The following FAN1 variants were observed in gnomAD, a reference collection of about 807,000 sequenced individuals.
The protein encoded by FAN1 is FANCD2 and FANCI associated nuclease 1, also known as fanconi-associated nuclease 1.
In FAN1, 91 loss-of-function variants were observed where a neutral mutation model predicts 104.9. That is an observed-to-expected ratio of 0.87 (90% confidence interval 0.73 to 1.03). The LOEUF is 1.03. Among genes scored for constraint, FAN1 ranks in the 50% least tolerant of loss-of-function variants. FAN1 has a pLI of 0.00. For missense variants in FAN1, 1,263 were observed against 1,239.9 expected (o/e 1.02, Z -0.28); for synonymous variants, 478 against 457.6 (o/e 1.04, Z -0.57).
intron 6 of FAN1, 22 bp from the exon 7 acceptor site, chr15:30,920,523 C>T: frequency 7.0e-7 from 1 of 1,429,022 alleles, no homozygotes; most frequent in Non-Finnish European, 9.8e-7. Context: ...TATTAAACTA[C>T]TGGTATATGT....
rs181338817 is a variant in FAN1 at position 30,925,209 on chromosome 15, G to A, written c.2255G>A (p.Arg752His). 9.7e-5 allele frequency: 156 copies of A among 1,614,036 alleles called. 1 individual carries two copies. Among genetic ancestry groups the A allele is most frequent in the East Asian group, 2.2e-5 (1 of 44,874 alleles). Residue 752 changes from arginine (R) to histidine (H), a missense_variant, in exon 9 of 15, where the codon CGC becomes CAC. Transcript: ENST00000362065. ...CTTTCACTGTATCAGCGAGCCGTGC[G>A]CCTGCGAGAGTCTCCGAGCTGTAAA... ...HRLSLYQRAV[R>H]LRESPSCKKF...
intron 14 of FAN1, chr15:30,939,516 TAAC>T (rs767062868): frequency 3.6e-5 from 35 of 981,312 alleles, no homozygotes; most frequent in African/African-American, 1.9e-4. Flanking sequence ...AATCATGATA[TAAC>T]AACTGTCCAG....
chr15:30,940,464 T>G, intron 14 of FAN1: 2 of 985,452 alleles, frequency 2.0e-6, no homozygotes, highest in Non-Finnish European at 2.4e-6. Flanking sequence ...AGGACATCTG[T>G]GCAGGTGCCC....
rs776377863 is a variant in FAN1, at chr15:30,908,194, A to T, written c.1311A>T (p.Glu437Asp). The T allele has an allele frequency of 6.2e-7, 1 of 1,611,770 alleles. No individual in the cohort carries two copies. The highest frequency in any genetic ancestry group is 1.6e-4 in the Middle Eastern group (1 of 6,062). The change falls in exon 3 of 15, where the codon GAA (glutamate) becomes GAT (aspartate). Residue 437 changes from glutamate (E) to aspartate (D), a missense_variant. Glu to Asp is a conservative substitution (Grantham distance 45). This residue lies in a region of FAN1 where 682 missense variants were observed against 571.1 expected (regional missense o/e 1.19). Transcript: ENST00000362065. The stretch of plus-strand genomic sequence containing the variant: ...TTAAGATGACCAAATTAGAGTATGA[A>T]GAGATTGCCTTAGACTTAACACCTG... ...SWIKMTKLEYEEIALDLTPVI... is the reference protein window; with the variant it reads ...SWIKMTKLEYDEIALDLTPVI...
Position 30,925,648 on chromosome 15 carries a change from C to G in FAN1, c.2338-141C>G, listed in dbSNP as rs187625623. On this transcript the variant is annotated intron_variant, in intron 9 of 14. Coordinates refer to ENST00000362065, the MANE Select transcript of FAN1 (RefSeq NM_014967.5). ...GAACTGTCACATCCCCGCAGTTCTG[C>G]GTGTGTGAGCCCCACGCTGTGTGCT... 7.9e-4 allele frequency: 758 copies of G among 960,132 alleles called. 5 individuals are homozygous for G. In the African/African-American group the frequency reaches 0.01, roughly 13 times the overall value. The allele number at this position is 960,132 out of a possible 1,614,324, so 59.5% of individuals were successfully genotyped here. A position where few individuals can be genotyped will look rare whatever the true frequency, so the allele number is the denominator to read the frequency against.
chr15:30,926,415 G>T (rs974842113), intron 10 of FAN1: 2 of 176,984 alleles, frequency 1.1e-5, no homozygotes, highest in Non-Finnish European at 2.2e-5. Flanking sequence ...TGCCCGGGCT[G>T]CAGGGTTACC....
chr15:30,943,000 A>C lies in FAN1; in HGVS notation c.*1438A>C. ...CGATCCTTTGCTGTAAACTGGAGAGACCAGTCCCAAACAGAGGGGAATTTT... is the reference window on the plus strand; with the variant it reads ...CGATCCTTTGCTGTAAACTGGAGAGCCCAGTCCCAAACAGAGGGGAATTTT... On this transcript the variant is annotated 3_prime_UTR_variant, in exon 15 of 15. Transcript: ENST00000362065. 6.4e-7 allele frequency: 1 copy of C among 1,552,562 alleles called. No individual in the cohort carries two copies. Among genetic ancestry groups the C allele is most frequent in the Non-Finnish European group, 8.7e-7 (1 of 1,147,242 alleles).
intron 4 of FAN1, chr15:30,911,308 G>T (rs2062096683): frequency 1.0e-6 from 1 of 985,370 alleles, no homozygotes; most frequent in Middle Eastern, 5.2e-4. Context: ...TTTTAGAATT[G>T]ATTTCTTTTG....
chr15:30,918,366 T>C, intron 6 of FAN1, 71 bp downstream of exon 6: 1 of 1,497,478 alleles, frequency 6.7e-7, no homozygotes, highest in Non-Finnish European at 9.3e-7. Flanking sequence ...TACAGTAATT[T>C]TCTTCATGAA....
chr15:30,922,907 T>G (rs1468879333), intron 8 of FAN1, among the ~76,000 whole-genome samples: 1 of 152,214 alleles, frequency 6.6e-6, no homozygotes, highest in Admixed American at 6.5e-5. Flanking sequence ...TAGGGGCACT[T>G]GGAAGCACAG....
At chr15:30,918,051 C>T in intron 5 of FAN1, 113 bp from the exon 6 acceptor site, 1 of 1,048,488 alleles carries the variant, frequency 9.5e-7, no homozygotes. Flanking sequence ...AAGTGGCCCT[C>T]ATATTTTAAA....
In FAN1 at chr15:30,942,894, G is replaced by A; in HGVS notation, c.*1332G>A. 1 of 1,560,516 alleles carries A rather than the reference G, an allele frequency of 6.4e-7. No homozygotes were observed. Among genetic ancestry groups the A allele is most frequent in the Non-Finnish European group, 8.7e-7 (1 of 1,151,220 alleles). On this transcript the variant is annotated 3_prime_UTR_variant, in exon 15 of 15. Transcript: ENST00000362065. ...GTTTTGTTAGCTGTGATTTACCTTT[G>A]TCCGTTTAAAAGACTTCACGGAGCC...
At chr15:30,926,179 T>TA (rs963108288) in intron 10 of FAN1, among the ~76,000 whole-genome samples, 1 of 152,220 alleles carries the variant, frequency 6.6e-6, no homozygotes, top group African/African-American at 2.4e-5. Context: ...TTATAAAAGT[T>TA]ATGGAAGGTA....
Position 30,914,080 on chromosome 15 carries a change from T to C in FAN1, c.1800T>C (p.Asp600=). ...NRKTHIFQDR[D]DLIRYAAATH... ...AAACCCACATCTTCCAAGACAGAGA[T>C]GATCTTATCAGGTAAGATGATGTTA... Residue 600 remains aspartate, a synonymous_variant, in exon 5 of 15, where the codon GAT becomes GAC. Coordinates refer to ENST00000362065, the MANE Select transcript of FAN1 (RefSeq NM_014967.5). The C allele has an allele frequency of 6.2e-7, 1 of 1,610,614 alleles. No homozygotes were observed. Among genetic ancestry groups the C allele is most frequent in the Non-Finnish European group, 8.5e-7 (1 of 1,176,796 alleles).
chr15:30,938,829 G>T, intron 14 of FAN1: 1 of 855,490 alleles, frequency 1.2e-6, no homozygotes, highest in Non-Finnish European at 1.4e-6. Context: ...TGGCTTTAGA[G>T]GGCAAGCAGA....
At position 30,942,794 on chromosome 15, in the gene FAN1, T is replaced by A; in HGVS notation, c.*1232T>A. The A allele has an allele frequency of 7.9e-7, 1 of 1,273,544 alleles. No individual in the cohort carries two copies. The allele number at this position is 1,273,544 out of a possible 1,614,324, so 78.9% of individuals were successfully genotyped here. On this transcript the variant is annotated 3_prime_UTR_variant, in exon 15 of 15. Coordinates refer to ENST00000362065, the MANE Select transcript of FAN1 (RefSeq NM_014967.5). The stretch of plus-strand genomic sequence containing the variant: ...CAGAAACCCGCATTAGCAGTGTTAC[T>A]CTTGGAAGTGCCTTTACTTTTAACG...
At chr15:30,924,753 G>A (rs2140934458) in intron 8 of FAN1, among the ~76,000 whole-genome samples, 1 of 151,766 alleles carries the variant, frequency 6.6e-6, no homozygotes, top group African/African-American at 2.4e-5. Flanking sequence ...TGTGGATCCG[G>A]GGTGGGACAC....
At chr15:30,936,312 T>TA (rs755993019) in intron 13 of FAN1, among the ~76,000 whole-genome samples, 1 of 152,096 alleles carries the variant, frequency 6.6e-6, no homozygotes, top group Non-Finnish European at 1.5e-5. Context: ...GTCAGGCATG[T>TA]CAAGAACAGG....
At position 30,904,932 on chromosome 15, in the gene FAN1, C is replaced by G; in HGVS notation, c.269C>G (p.Thr90Ser). The change falls in exon 2 of 15, where the codon ACC becomes AGC. Residue 90 changes from threonine (T) to serine (S), a missense_variant. Coordinates refer to ENST00000362065, the MANE Select transcript of FAN1 (RefSeq NM_014967.5). ...INSNVSMVDL[T>S]SVTLEDVTPK... ...TCAAATGTGTCTATGGTAGATTTAA[C>G]CAGTGTTACCTTAGAAGATGTAACA... 3 of 1,613,992 alleles carry G rather than the reference C, an allele frequency of 1.9e-6. No homozygotes were observed. The highest frequency in any genetic ancestry group is 2.5e-6 in the Non-Finnish European group (3 of 1,180,022).
Sources: gnomAD v4.1 joint callset for allele counts (sites outside exome capture counted in the v4.1 genomes callset) on GRCh38, gnomAD v4.1.1 for gene constraint, gnomAD v4.1.1 regional missense constraint, MANE v1.5 for transcripts, NCBI Gene and HGNC (gene_info 2026-07-23, HGNC 2026-07-21) for gene names.